ODAD2: variants seen among roughly 807,000 people sequenced by gnomAD.
ODAD2 encodes the protein outer dynein arm docking complex subunit 2.
Under a neutral mutation model 106.8 loss-of-function variants are expected in ODAD2, and 89 were observed. The observed-to-expected ratio is 0.83, with a 90% CI of 0.70 to 0.99. ODAD2 has a LOEUF of 0.99. Ranked by LOEUF, ODAD2 falls within the 50% of genes least tolerant of loss-of-function variation. The pLI is 0.00. For synonymous variants in ODAD2, 404 were observed against 436.2 expected (o/e 0.93, Z 0.92); for missense variants, 1,168 against 1,238.5 (o/e 0.94, Z 0.85).
intron 17 of ODAD2, among the ~76,000 whole-genome samples, chr10:27,875,152 A>G (rs2133488594): frequency 6.6e-6 from 1 of 152,310 alleles, no homozygotes; most frequent in Non-Finnish European, 1.5e-5. Context: ...TGAATCGGCT[A>G]CTAAAGCTTG....
At chr10:27,924,082 C>A (rs1845061068) in intron 16 of ODAD2, among the ~76,000 whole-genome samples, 2 of 133,292 alleles carry the variant, frequency 1.5e-5, no homozygotes, top group African/African-American at 3.1e-5. Flanking sequence ...AAGAGAATCC[C>A]AGTACCCATA....
At chr10:27,996,860 C>T (rs1326546293) in intron 1 of ODAD2, among the ~76,000 whole-genome samples, 3 of 152,174 alleles carry the variant, frequency 2.0e-5, no homozygotes. Flanking sequence ...TAAGGCTGGA[C>T]ATCTGACTAC....
chr10:27,981,818 T>C, intron 6 of ODAD2: 1 of 334,828 alleles, frequency 3.0e-6, no homozygotes, highest in Non-Finnish European at 5.3e-6. Context: ...CAGCAAGGCT[T>C]TACTGAGTAC....
At chr10:27,813,050 T>C (rs748530119) in intron 19 of ODAD2, among the ~76,000 whole-genome samples, 3 of 152,228 alleles carry the variant, frequency 2.0e-5, no homozygotes, top group Non-Finnish European at 2.9e-5. Flanking sequence ...AGTCACTTAA[T>C]AGGGACTCTC....
chr10:27,928,599 C>A (rs575864710), intron 16 of ODAD2, among the ~76,000 whole-genome samples: 1 of 151,932 alleles, frequency 6.6e-6, no homozygotes, highest in African/African-American at 2.4e-5. Flanking sequence ...GAGTTTAATG[C>A]GAATTATTTG....
At chr10:27,977,066 C>T (rs913594343) in intron 7 of ODAD2, among the ~76,000 whole-genome samples, 1 of 151,908 alleles carries the variant, frequency 6.6e-6, no homozygotes, top group Non-Finnish European at 1.5e-5. Flanking sequence ...TGATCCATAA[C>T]TCATATACAC....
At chr10:27,864,525 CG>C (rs1241024575) in intron 17 of ODAD2, among the ~76,000 whole-genome samples, 1 of 131,608 alleles carries the variant, frequency 7.6e-6, no homozygotes, top group African/African-American at 3.1e-5. Context: ...GAGGTGAGAG[CG>C]GGGAGTGAGG....
intron 16 of ODAD2, among the ~76,000 whole-genome samples, chr10:27,912,432 A>G (rs924766111): frequency 6.6e-6 from 1 of 152,168 alleles, no homozygotes; most frequent in Admixed American, 6.6e-5. Flanking sequence ...AACCAAAAAG[A>G]TGCAGCTGTT....
intron 16 of ODAD2, among the ~76,000 whole-genome samples, chr10:27,932,228 G>A (rs540425420): frequency 6.6e-6 from 1 of 151,882 alleles, no homozygotes; most frequent in Non-Finnish European, 1.5e-5. Flanking sequence ...AAGCCACCAC[G>A]TCATTAGCCT....
intron 14 of ODAD2, among the ~76,000 whole-genome samples, chr10:27,938,600 T>C (rs892159400): frequency 5.3e-5 from 8 of 151,350 alleles, no homozygotes; most frequent in Non-Finnish European, 1.2e-4. Flanking sequence ...GTCTCTTCTT[T>C]TTTCTTTTTT....
chr10:27,935,233 T>G lies in ODAD2; in HGVS notation c.2272A>C (p.Ile758Leu), dbSNP rs143059966. The change falls in exon 16 of 20, where the codon ATT becomes CTT. Residue 758 changes from isoleucine to leucine, a missense_variant. By Grantham distance (5) the Ile-to-Leu change is conservative (BLOSUM62 2). Coordinates refer to ENST00000305242, the MANE Select transcript of ODAD2 (RefSeq NM_018076.5). ...GTTAGAAGTCCCACCAAGGTTTCAATGGCTTTGTATTCCCGAAACCTAAGT... is the reference window on the plus strand; with the variant it reads ...GTTAGAAGTCCCACCAAGGTTTCAAGGGCTTTGTATTCCCGAAACCTAAGT... The part of the protein sequence containing the change: ...NVTKFREYKA[I>L]ETLVGLLTDQ... 4 of 1,613,778 alleles carry G rather than the reference T, an allele frequency of 2.5e-6. No individual in the cohort carries two copies. Among genetic ancestry groups the G allele is most frequent in the Non-Finnish European group, 3.4e-6 (4 of 1,179,832 alleles).
At chr10:27,869,043 C>T (rs534888158) in intron 17 of ODAD2, among the ~76,000 whole-genome samples, 27 of 151,736 alleles carry the variant, frequency 1.8e-4, no homozygotes, top group African/African-American at 5.8e-4. Flanking sequence ...ATTAGAATTG[C>T]TGAAGTTGTA....
At chr10:27,903,447 C>T (rs540139988) in intron 17 of ODAD2, among the ~76,000 whole-genome samples, 2 of 152,172 alleles carry the variant, frequency 1.3e-5, no homozygotes, top group South Asian at 2.1e-4. Flanking sequence ...AAGTTCTGGC[C>T]GGGGCAATCA....
intron 1 of ODAD2, among the ~76,000 whole-genome samples, 172 bp downstream of exon 1, chr10:27,998,822 G>T (rs572766987): frequency 1.1e-4 from 16 of 152,158 alleles, no homozygotes; most frequent in South Asian, 2.1e-4. Context: ...CCTGCCCCCC[G>T]CAGTCGGCGC....
chr10:27,946,137 T>C (rs1846903207), intron 10 of ODAD2, among the ~76,000 whole-genome samples: 1 of 148,360 alleles, frequency 6.7e-6, no homozygotes, highest in African/African-American at 2.4e-5. Context: ...AATGTATTTT[T>C]AAATATATAA....
intron 16 of ODAD2, among the ~76,000 whole-genome samples, chr10:27,914,436 A>T (rs1438584253): frequency 1.3e-5 from 2 of 152,102 alleles, no homozygotes; most frequent in African/African-American, 2.4e-5. Flanking sequence ...TCCTTGCCTA[A>T]AATAATTATT....
intron 10 of ODAD2, among the ~76,000 whole-genome samples, chr10:27,959,387 TC>T (rs1412826415): frequency 1.3e-5 from 2 of 151,668 alleles, no homozygotes; most frequent in Admixed American, 6.6e-5. Context: ...TTTTTTTCTT[TC>T]CCCCAGATGA....
In ODAD2 at chr10:27,860,688, G is replaced by A; in HGVS notation, c.2958C>T (p.Ala986=). The A allele has an allele frequency of 6.2e-7, 1 of 1,614,116 alleles. No homozygotes were observed. Among genetic ancestry groups the A allele is most frequent in the South Asian group, 1.1e-5 (1 of 91,080 alleles). Residue 986 remains alanine (A), a synonymous_variant, in exon 19 of 20, where the codon GCC becomes GCT. Transcript: ENST00000305242. ...DTNVHRATAQ[A]LYQLSEDADN... is the part of the protein sequence containing the mutation. ...CGGCGTCTTCTGAGAGTTGGTACAA[G>A]GCCTGAGCTGTCGCCCGATGCACGT... is the stretch of plus-strand genomic sequence containing the variant.
chr10:27,935,786 T>A (rs1237991564), intron 15 of ODAD2, among the ~76,000 whole-genome samples: 7 of 150,640 alleles, frequency 4.6e-5, no homozygotes, highest in Admixed American at 4.6e-4. Context: ...AATTGCACTC[T>A]GATATATATG....
Sources: gnomAD v4.1 joint callset for allele counts (sites outside exome capture counted in the v4.1 genomes callset) on GRCh38, gnomAD v4.1.1 for gene constraint, MANE v1.5 for transcripts, NCBI Gene and HGNC (gene_info 2026-07-23, HGNC 2026-07-21) for gene names.